KCNAB1: variants seen among roughly 807,000 people sequenced by gnomAD.
The protein encoded by KCNAB1 is voltage-gated potassium channel subunit beta-1.
KCNAB1 carries 35 observed loss-of-function variants against 64.6 expected under a neutral mutation model. The observed-to-expected ratio is 0.54, with a 90% CI of 0.41 to 0.72. The LOEUF (loss-of-function observed/expected upper bound fraction) is 0.72, where lower values mean the gene tolerates loss of function less well. KCNAB1 is among the 30% of genes least tolerant of loss of function. The pLI is 0.00. For synonymous variants in KCNAB1, 177 were observed against 183.8 expected, an observed-to-expected ratio of 0.96 and a Z score of 0.30; for missense variants, 401 against 512.9, an observed-to-expected ratio of 0.78 and a Z score of 2.11.
intron 1 of KCNAB1, among the ~76,000 whole-genome samples, chr3:156,281,343 G>C (rs1719700666): frequency 6.6e-6 from 1 of 152,124 alleles, no homozygotes; most frequent in African/African-American, 2.4e-5. Flanking sequence ...TAAGCTTTTT[G>C]ATGTGCTGCT....
chr3:156,277,392 T>C (rs1004337091), intron 1 of KCNAB1, among the ~76,000 whole-genome samples: 2 of 152,114 alleles, frequency 1.3e-5, no homozygotes, highest in Non-Finnish European at 1.5e-5. Flanking sequence ...ATGGCACCAG[T>C]TGACTTGCTC....
intron 1 of KCNAB1, chr3:156,273,788 C>T (rs1426633876): frequency 2.6e-6 from 1 of 391,410 alleles, no homozygotes; most frequent in East Asian, 7.2e-5. Flanking sequence ...GGCTTCTATT[C>T]AGCTATCTTG....
intron 1 of KCNAB1, among the ~76,000 whole-genome samples, chr3:156,232,224 A>G (rs1691921801): frequency 6.6e-6 from 1 of 152,182 alleles, no homozygotes; most frequent in East Asian, 1.9e-4. Flanking sequence ...CCTTCATACA[A>G]ACTCTCATCC....
upstream of KCNAB1, chr3:156,118,238 A>G (rs1713166762): frequency 4.8e-6 from 2 of 420,390 alleles, no homozygotes; most frequent in Admixed American, 5.4e-5. Flanking sequence ...CTGGGACCAC[A>G]GTCATCTAAG....
intron 12 of KCNAB1, among the ~76,000 whole-genome samples, chr3:156,524,964 T>C (rs893861975): frequency 6.6e-6 from 1 of 152,102 alleles, no homozygotes; most frequent in African/African-American, 2.4e-5. Flanking sequence ...GAATTACTTG[T>C]GTGTTTGTGG....
chr3:156,325,520 T>G (rs898584276), intron 1 of KCNAB1, among the ~76,000 whole-genome samples: 12 of 152,008 alleles, frequency 7.9e-5, no homozygotes, highest in African/African-American at 2.7e-4. Flanking sequence ...ATAACTTATC[T>G]TTCCTTTGGA....
At chr3:156,254,118 G>A (rs1285676280) in intron 1 of KCNAB1, among the ~76,000 whole-genome samples, 1 of 152,130 alleles carries the variant, frequency 6.6e-6, no homozygotes, top group Non-Finnish European at 1.5e-5. Flanking sequence ...ATGAACAAGA[G>A]GTATTAGTAA....
At chr3:156,358,834 A>C (rs1725423915) in intron 1 of KCNAB1, among the ~76,000 whole-genome samples, 1 of 152,202 alleles carries the variant, frequency 6.6e-6, no homozygotes, top group Admixed American at 6.5e-5. Context: ...TAAAACATCT[A>C]GAAGCATGTC....
In KCNAB1 at chr3:156,272,294, G is replaced by A. The variant is rs183755026; in HGVS notation, c.276-149322G>A. 8.2e-4 allele frequency among the ~76,000 whole-genome samples: 125 copies of A among 152,348 alleles called. 1 individual carries two copies. The highest frequency in any genetic ancestry group is 1.4e-3 in the Non-Finnish European group (92 of 68,034). On this transcript the variant is annotated intron_variant, in intron 1 of 13. Transcript: ENST00000490337. ...GTTTTTTGTCCTTCCTTTCAGGGTG[G>A]TGGCAAGTTCCCCTGGGCCCCAGGT... is the stretch of plus-strand genomic sequence containing the variant.
chr3:156,445,344 C>T (rs55896573), intron 2 of KCNAB1, among the ~76,000 whole-genome samples: 31,159 of 151,938 alleles, frequency 0.21, 6,328 homozygotes, highest in African/African-American at 0.53. Flanking sequence ...GAGATGCTAC[C>T]GGTATGAGAA....
chr3:156,145,525 A>G (rs1405173252), intron 1 of KCNAB1, among the ~76,000 whole-genome samples: 1 of 152,186 alleles, frequency 6.6e-6, no homozygotes, highest in African/African-American at 2.4e-5. Flanking sequence ...TTAAGAGAGA[A>G]GCTGACTTTC....
intron 2 of KCNAB1, among the ~76,000 whole-genome samples, chr3:156,440,629 A>T (rs2108259796): frequency 6.6e-6 from 1 of 152,374 alleles, no homozygotes; most frequent in African/African-American, 2.4e-5. Context: ...GGGAAGAAAT[A>T]GACTTAGAAA....
At chr3:156,515,242 A>G in intron 10 of KCNAB1, 22 bp downstream of exon 10, 1 of 1,589,302 alleles carries the variant, frequency 6.3e-7, no homozygotes, top group East Asian at 2.2e-5. Context: ...AATAAAAGCT[A>G]CTGAGTATTT....
rs552972251 is a variant in KCNAB1 at position 156,521,659 on chromosome 3, A to G, written c.961-2168A>G. 2.6e-5 allele frequency among the ~76,000 whole-genome samples: 4 copies of G among 152,294 alleles called. No homozygotes were observed. The East Asian group carries it at 7.7e-4, about 29-fold the overall frequency. Reference sequence around the variant, plus strand: ...GCAAGCAGGGTTTATTACTGCCACAACCACACCCACCTCCAACCTTCCTAC... The same window carrying G: ...GCAAGCAGGGTTTATTACTGCCACAGCCACACCCACCTCCAACCTTCCTAC... On this transcript the variant is annotated intron_variant, in intron 11 of 13. Transcript: ENST00000490337.
intron 6 of KCNAB1, 80 bp downstream of exon 6, chr3:156,463,826 C>G: frequency 9.0e-7 from 1 of 1,114,156 alleles, no homozygotes; most frequent in Non-Finnish European, 1.3e-6. Context: ...TTACATATAA[C>G]GTACCAAAAT....
chr3:156,130,369 T>C (rs982568679), intron 1 of KCNAB1, among the ~76,000 whole-genome samples: 2 of 152,228 alleles, frequency 1.3e-5, no homozygotes, highest in African/African-American at 4.8e-5. Context: ...CTGGGTGAGC[T>C]GACCAAAGTC....
chr3:156,478,394 C>A (rs1461386821), intron 8 of KCNAB1, among the ~76,000 whole-genome samples: 1 of 152,084 alleles, frequency 6.6e-6, no homozygotes, highest in Admixed American at 6.6e-5. Context: ...TATTTGCCAA[C>A]CCCATGGAGT....
At chr3:156,212,157 C>G (rs1715047534) in intron 1 of KCNAB1, among the ~76,000 whole-genome samples, 1 of 152,058 alleles carries the variant, frequency 6.6e-6, no homozygotes, top group African/African-American at 2.4e-5. Context: ...CCTGTAGATG[C>G]AGCTATAGGA....
chr3:156,159,253 C>T (rs1560112939), intron 1 of KCNAB1, among the ~76,000 whole-genome samples: 2 of 152,078 alleles, frequency 1.3e-5, no homozygotes, highest in Non-Finnish European at 2.9e-5. Context: ...TCTTAGCTCT[C>T]TTCTTGCTCT....
Sources: allele counts gnomAD v4.1 joint callset (sites outside exome capture counted in the v4.1 genomes callset), GRCh38; gene constraint gnomAD v4.1.1; transcripts MANE v1.5; gene names NCBI Gene and HGNC (gene_info 2026-07-23, HGNC 2026-07-21).